ZNF730: variants seen among roughly 807,000 people sequenced by gnomAD.
ZNF730 encodes zinc finger protein 730.
A neutral mutation model predicts 12.6 loss-of-function variants in ZNF730; 12 were observed. That is an observed-to-expected ratio of 0.95 (90% CI 0.61 to 1.54). The LOEUF is 1.54. Ranked by LOEUF, ZNF730 falls within the 40% of genes most tolerant of loss-of-function variation. The probability of loss-of-function intolerance (pLI) is 0.00; values close to 1 mark genes in which losing one functional copy is unlikely to be tolerated. For missense variants in ZNF730, 643 were observed against 583.5 expected (o/e 1.10, Z -1.05); for synonymous variants, 194 against 195.8 (o/e 0.99, Z 0.08).
At chr19:23,094,696 A>G (rs570290997) in intron 1 of ZNF730, among the ~76,000 whole-genome samples, 1 of 151,410 alleles carries the variant, frequency 6.6e-6, no homozygotes, top group African/African-American at 2.4e-5. Context: ...CTGATCTCGA[A>G]CTCCTGACCT....
At chr19:23,077,620 T>C (rs889920764) in intron 1 of ZNF730, among the ~76,000 whole-genome samples, 1 of 151,686 alleles carries the variant, frequency 6.6e-6, no homozygotes, top group Non-Finnish European at 1.5e-5. Flanking sequence ...TTTTGTATTT[T>C]TAGTAGAGAT....
intron 1 of ZNF730, among the ~76,000 whole-genome samples, chr19:23,132,240 C>T (rs1970752955): frequency 6.6e-6 from 1 of 152,090 alleles, no homozygotes; most frequent in Admixed American, 6.5e-5. Flanking sequence ...GGCATATTCT[C>T]CAGATGCAGA....
chr19:23,099,684 T>TAGTTGTA (rs1970306864), intron 1 of ZNF730, among the ~76,000 whole-genome samples: 1 of 152,192 alleles, frequency 6.6e-6, no homozygotes, highest in Non-Finnish European at 1.5e-5. Context: ...GATTGTGACT[T>TAGTTGTA]CTTGTACTTA....
chr19:23,131,325 T>A (rs1311335238), intron 1 of ZNF730, among the ~76,000 whole-genome samples: 1 of 152,240 alleles, frequency 6.6e-6, no homozygotes, highest in Non-Finnish European at 1.5e-5. Flanking sequence ...GAACACTTAG[T>A]ATCAACACAC....
intron 1 of ZNF730, among the ~76,000 whole-genome samples, chr19:23,120,552 GTTC>G (rs779983254): frequency 7.3e-5 from 11 of 151,554 alleles, no homozygotes; most frequent in African/African-American, 1.5e-4. Flanking sequence ...TGTTTATTTG[GTTC>G]TTCTTTTTTC....
chr19:23,114,991 G>A (rs12977913), upstream of ZNF730, among the ~76,000 whole-genome samples: 86,818 of 151,896 alleles, frequency 0.57, 26,686 homozygotes, highest in South Asian at 0.73. Flanking sequence ...TGTCGCCCAC[G>A]CTGTGTTTGA....
Position 23,146,362 on chromosome 19 carries a change from A to C in ZNF730, c.1318A>C (p.Thr440Pro). The C allele has an allele frequency of 6.2e-7, 1 of 1,613,528 alleles. No individual in the cohort carries two copies. Among genetic ancestry groups the C allele is most frequent in the Non-Finnish European group, 8.5e-7 (1 of 1,179,850 alleles). The change falls in exon 4 of 4, where the codon ACT (threonine) becomes CCT (proline). Residue 440 changes from threonine (T) to proline (P), a missense_variant. Transcript: ENST00000597761. Reference sequence around the variant, plus strand: ...AGCTTTCAACCAGTCCTCAACCCTTACTACACATAAAAGAATTCATACTGG... The same window carrying C: ...AGCTTTCAACCAGTCCTCAACCCTTCCTACACATAAAAGAATTCATACTGG... ...GRAFNQSSTL[T>P]THKRIHTGEK...
intron 1 of ZNF730, among the ~76,000 whole-genome samples, chr19:23,106,738 C>A (rs1470154861): frequency 6.8e-6 from 1 of 146,530 alleles, no homozygotes; most frequent in East Asian, 2.0e-4. Flanking sequence ...TATGAAGAGC[C>A]AAGATCGTGC....
intron 1 of ZNF730, chr19:23,127,881 C>T (rs2145635172): frequency 1.5e-6 from 1 of 664,796 alleles, no homozygotes; most frequent in East Asian, 2.5e-5. Flanking sequence ...TGATATTACA[C>T]ACAGCATATG....
In ZNF730 at chr19:23,096,547, C is replaced by T. The variant is rs758534630; in HGVS notation, c.-94+21160C>T. ...GTGATGTGACTCTTCTCTCATGCAT[C>T]GGCCCTGCCAACTGGGGTGTTTGTT... On this transcript the variant is annotated intron_variant, in intron 1 of 2. Transcript: ENST00000593635. Among the ~76,000 whole-genome samples the T allele has an allele frequency of 2.3e-4, 35 of 152,290 alleles. 1 individual carries two copies. The highest frequency in any genetic ancestry group is 3.3e-4 in the Admixed American group (5 of 15,296).
chr19:23,100,775 C>T (rs934069632), intron 1 of ZNF730, among the ~76,000 whole-genome samples: 1 of 151,404 alleles, frequency 6.6e-6, no homozygotes, highest in Admixed American at 6.6e-5. Context: ...CCTGCCTCAT[C>T]CCCCTGAGTA....
rs1362945784 is a variant in ZNF730 at position 23,119,732 on chromosome 19, A to G, written c.3+2556A>G. On this transcript the variant is annotated intron_variant, in intron 1 of 3. Coordinates refer to ENST00000597761, the MANE Select transcript of ZNF730 (RefSeq NM_001277403.2). ...CTCGGGAGGCTGAGGTAGGAGAATC[A>G]CTTGAACCTAGGAGGCAGAGGTTGC... is the stretch of plus-strand genomic sequence containing the variant. Among the ~76,000 whole-genome samples the G allele has an allele frequency of 1.2e-4, 18 of 152,038 alleles. 1 individual carries two copies. The highest frequency in any genetic ancestry group is 1.2e-3 in the Admixed American group (18 of 15,262).
chr19:23,092,963 G>A (rs554718210), intron 1 of ZNF730, among the ~76,000 whole-genome samples: 1 of 152,234 alleles, frequency 6.6e-6, no homozygotes, highest in African/African-American at 2.4e-5. Context: ...TTAGGGAGAA[G>A]TCCCTTCTCC....
At chr19:23,109,912 A>G (rs1390369212) in intron 1 of ZNF730, among the ~76,000 whole-genome samples, 1 of 152,068 alleles carries the variant, frequency 6.6e-6, no homozygotes, top group East Asian at 1.9e-4. Flanking sequence ...TATGGTTATT[A>G]TGACAAATTA....
chr19:23,096,963 G>A (rs1970261967), intron 1 of ZNF730, among the ~76,000 whole-genome samples: 1 of 152,164 alleles, frequency 6.6e-6, no homozygotes, highest in Admixed American at 6.5e-5. Context: ...TAGGTGATAT[G>A]ACCCTTTTAT....
intron 1 of ZNF730, among the ~76,000 whole-genome samples, chr19:23,122,329 G>A (rs1970609378): frequency 6.6e-6 from 1 of 151,848 alleles, no homozygotes; most frequent in Non-Finnish European, 1.5e-5. Context: ...TTTTAGTAGA[G>A]ACTGAGTTTT....
intron 1 of ZNF730, among the ~76,000 whole-genome samples, chr19:23,075,635 T>C (rs1969843836): frequency 6.6e-6 from 1 of 152,150 alleles, no homozygotes; most frequent in South Asian, 2.1e-4. Context: ...CCCCGAGTAT[T>C]TCCCAGAGTG....
rs539722897 is a variant in ZNF730 at position 23,119,992 on chromosome 19, C to CTTT, written c.3+2832_3+2834dup. ...GTCTGGTCCTGGACTCACTTTCTTT[C>CTTT]TTTTTTTTTTTTTTTTTTCTCAGGC... is the stretch of plus-strand genomic sequence containing the variant. On this transcript the variant is annotated intron_variant, in intron 1 of 3. Coordinates refer to ENST00000597761, the MANE Select transcript of ZNF730 (RefSeq NM_001277403.2). Among the ~76,000 whole-genome samples the CTTT allele has an allele frequency of 2.3e-5, 3 of 132,558 alleles. 1 individual carries two copies. The allele number at this position is 132,558 out of a possible 152,430, so 87.0% of individuals were successfully genotyped here.
At chr19:23,080,980 G>C (rs375957181) in intron 1 of ZNF730, among the ~76,000 whole-genome samples, 5 of 151,204 alleles carry the variant, frequency 3.3e-5, no homozygotes, top group Non-Finnish European at 5.9e-5. Flanking sequence ...CAAGTAGCTG[G>C]GATTACAGGT....
Sources: allele counts gnomAD v4.1 joint callset (sites outside exome capture counted in the v4.1 genomes callset), GRCh38; gene constraint gnomAD v4.1.1; transcripts MANE v1.5; gene names NCBI Gene and HGNC (gene_info 2026-07-23, HGNC 2026-07-21).